GSK3B: variants seen among roughly 807,000 people sequenced by gnomAD.
The protein encoded by GSK3B is glycogen synthase kinase 3 beta, also known as glycogen synthase kinase-3 beta.
Under a neutral mutation model 56.4 loss-of-function variants are expected in GSK3B, and 15 were observed. The observed-to-expected ratio is 0.27, with a 90% confidence interval of 0.18 to 0.41. The LOEUF is 0.41. GSK3B is among the 10% of genes least tolerant of loss of function. The pLI is 1.00. For missense variants in GSK3B, 300 were observed against 513.4 expected (o/e 0.58, Z 4.02); for synonymous variants, 181 against 188.9 (o/e 0.96, Z 0.34).
intron 7 of GSK3B, among the ~76,000 whole-genome samples, chr3:119,901,217 A>G (rs2056621707): frequency 6.6e-6 from 1 of 152,158 alleles, no homozygotes; most frequent in Admixed American, 6.6e-5. Context: ...AGGTTTTTAT[A>G]TTAAGGAAGA....
chr3:119,846,000 C>A (rs148826064), intron 9 of GSK3B, among the ~76,000 whole-genome samples: 72 of 152,310 alleles, frequency 4.7e-4, no homozygotes, highest in Non-Finnish European at 8.1e-4. Flanking sequence ...CACCACACAT[C>A]TACAACCATC....
intron 1 of GSK3B, among the ~76,000 whole-genome samples, chr3:120,084,899 A>C (rs967652050): frequency 1.3e-5 from 2 of 152,228 alleles, no homozygotes; most frequent in African/African-American, 4.8e-5. Context: ...TACTGATTTA[A>C]ATTTGTTTTA....
At chr3:119,977,670 C>T (rs1158740945) in intron 2 of GSK3B, among the ~76,000 whole-genome samples, 4 of 152,098 alleles carry the variant, frequency 2.6e-5, no homozygotes, top group African/African-American at 9.7e-5. Context: ...TCGGTTTTAT[C>T]AGCAAATAGA....
intron 2 of GSK3B, among the ~76,000 whole-genome samples, chr3:119,973,882 T>C (rs925929292): frequency 1.3e-5 from 2 of 152,176 alleles, no homozygotes; most frequent in Non-Finnish European, 2.9e-5. Flanking sequence ...GAAATAACTG[T>C]AGTGCTGGAA....
chr3:119,865,767 C>A (rs1359128618), intron 8 of GSK3B, among the ~76,000 whole-genome samples: 2 of 151,930 alleles, frequency 1.3e-5, no homozygotes, highest in Non-Finnish European at 2.9e-5. Context: ...CCGTGCCCGG[C>A]CTATTTCCAG....
chr3:119,865,229 T>C (rs2056160912), intron 8 of GSK3B, among the ~76,000 whole-genome samples: 1 of 151,882 alleles, frequency 6.6e-6, no homozygotes, highest in South Asian at 2.1e-4. Flanking sequence ...TGGATTTATT[T>C]TGCTAGCTAA....
chr3:120,076,746 G>A (rs990644537), intron 1 of GSK3B, among the ~76,000 whole-genome samples: 28 of 147,170 alleles, frequency 1.9e-4, no homozygotes, highest in African/African-American at 3.3e-4. Flanking sequence ...CCCGGGAGGC[G>A]GAGCTTGCAG....
chr3:119,843,203 T>A, intron 10 of GSK3B, 52 bp downstream of exon 10: 1 of 1,189,174 alleles, frequency 8.4e-7, no homozygotes, highest in Non-Finnish European at 1.2e-6. Context: ...GTGTGAGCCA[T>A]CATGCCCAGC....
chr3:120,037,246 C>T (rs915101980), intron 1 of GSK3B, among the ~76,000 whole-genome samples: 16 of 152,308 alleles, frequency 1.1e-4, no homozygotes, highest in African/African-American at 3.6e-4. Context: ...AACAGATATG[C>T]ATTTCGCTAT....
intron 9 of GSK3B, among the ~76,000 whole-genome samples, chr3:119,851,882 AT>A (rs963527364): frequency 2.6e-5 from 4 of 152,102 alleles, no homozygotes; most frequent in Non-Finnish European, 5.9e-5. Context: ...ACATTTGTGT[AT>A]TTTTTTAGGC....
In GSK3B at chr3:119,954,320, G is replaced by GA. The variant is rs2057191099; in HGVS notation, c.283-6970dup. Reference sequence around the variant, plus strand: ...AATAGAATAGAAAAGAAACAGAACAGAACAGAACAGCATAGCATAAAATAG... The same window carrying GA: ...AATAGAATAGAAAAGAAACAGAACAGAAACAGAACAGCATAGCATAAAATAG... On this transcript the variant is annotated intron_variant, in intron 2 of 10. Coordinates refer to ENST00000264235, the MANE Select transcript of GSK3B (RefSeq NM_001146156.2). Among the ~76,000 whole-genome samples the GA allele has an allele frequency of 4.0e-5, 6 of 149,860 alleles. No homozygotes were observed. The South Asian group carries it at 6.4e-4, about 16-fold the overall frequency.
At chr3:120,049,753 A>T (rs2058132285) in intron 1 of GSK3B, among the ~76,000 whole-genome samples, 1 of 152,232 alleles carries the variant, frequency 6.6e-6, no homozygotes, top group African/African-American at 2.4e-5. Context: ...ACAGAAAATA[A>T]GTAACAGCCC....
chr3:119,946,980 A>G (rs1211594276), intron 3 of GSK3B, among the ~76,000 whole-genome samples: 1 of 152,050 alleles, frequency 6.6e-6, no homozygotes, highest in African/African-American at 2.4e-5. Context: ...CATAAGGAAC[A>G]TAGATGTCTT....
intron 1 of GSK3B, among the ~76,000 whole-genome samples, chr3:120,074,186 T>C (rs968694021): frequency 6.6e-6 from 1 of 151,220 alleles, no homozygotes; most frequent in Non-Finnish European, 1.5e-5. Flanking sequence ...ATATCTGCAG[T>C]ACCACTCAGG....
chr3:119,929,718 C>T (rs187186167), intron 3 of GSK3B, among the ~76,000 whole-genome samples: 30 of 152,028 alleles, frequency 2.0e-4, no homozygotes, highest in African/African-American at 6.7e-4. Context: ...GCCTGACCAA[C>T]ATGGAGAAAT....
chr3:120,039,817 T>G (rs2058051068), intron 1 of GSK3B, among the ~76,000 whole-genome samples: 1 of 152,214 alleles, frequency 6.6e-6, no homozygotes, highest in Non-Finnish European at 1.5e-5. Flanking sequence ...AGATACACCC[T>G]TCTGCAGAAG....
intron 3 of GSK3B, among the ~76,000 whole-genome samples, chr3:119,934,700 A>T (rs9836177): frequency 0.017 from 2,630 of 152,216 alleles, 80 homozygotes; most frequent in African/African-American, 0.06. Flanking sequence ...AATAGGGGAA[A>T]CTTTGCAGGG....
At chr3:119,915,344 T>C (rs959070741) in intron 5 of GSK3B, among the ~76,000 whole-genome samples, 1 of 152,090 alleles carries the variant, frequency 6.6e-6, no homozygotes, top group Non-Finnish European at 1.5e-5. Context: ...ATAATCAATA[T>C]TTTGAAAAAA....
At chr3:120,002,460 T>A (rs982679854) in intron 1 of GSK3B, among the ~76,000 whole-genome samples, 2 of 152,004 alleles carry the variant, frequency 1.3e-5, no homozygotes, top group African/African-American at 4.8e-5. Context: ...TGCCTCAGCC[T>A]CCCGAGTAGC....
Sources: gnomAD v4.1 joint callset for allele counts (sites outside exome capture counted in the v4.1 genomes callset) on GRCh38, gnomAD v4.1.1 for gene constraint, MANE v1.5 for transcripts, NCBI Gene and HGNC (gene_info 2026-07-23, HGNC 2026-07-21) for gene names.